Variants in CACNA2D3 observed in about 807,000 individuals in gnomAD.
The protein encoded by CACNA2D3 is voltage-dependent calcium channel subunit alpha-2/delta-3.
A neutral mutation model predicts 160.6 loss-of-function variants in CACNA2D3; 60 were observed. That is an observed-to-expected ratio of 0.37 (90% CI 0.30 to 0.46). The LOEUF (loss-of-function observed/expected upper bound fraction) is 0.46, where lower values mean the gene tolerates loss of function less well. Ranked by LOEUF, CACNA2D3 falls within the 20% of genes least tolerant of loss-of-function variation. The pLI is 1.00. For missense variants in CACNA2D3, 1,205 were observed against 1,365.0 expected, an observed-to-expected ratio of 0.88 and a Z score of 1.85; for synonymous variants, 558 against 492.9, an observed-to-expected ratio of 1.13 and a Z score of -1.75.
intron 2 of CACNA2D3, among the ~76,000 whole-genome samples, chr3:54,238,313 G>A (rs1701919281): frequency 6.6e-6 from 1 of 152,168 alleles, no homozygotes; most frequent in South Asian, 2.1e-4. Flanking sequence ...TTAGTGAGTT[G>A]TCAATCACCT....
At chr3:54,719,353 T>C (rs887765822) in intron 11 of CACNA2D3, among the ~76,000 whole-genome samples, 3 of 151,978 alleles carry the variant, frequency 2.0e-5, no homozygotes, top group Non-Finnish European at 4.4e-5. Flanking sequence ...CTGTTCCTAG[T>C]GTGGTAAAAA....
intron 17 of CACNA2D3, among the ~76,000 whole-genome samples, chr3:54,859,250 A>T (rs1376280611): frequency 6.6e-6 from 1 of 152,226 alleles, no homozygotes; most frequent in Non-Finnish European, 1.5e-5. Context: ...TGTTGAGACC[A>T]TGGGCTCTTT....
At chr3:54,961,743 T>A (rs921153725) in intron 27 of CACNA2D3, among the ~76,000 whole-genome samples, 7 of 152,296 alleles carry the variant, frequency 4.6e-5, no homozygotes, top group African/African-American at 1.7e-4. Flanking sequence ...TCTAACCTTG[T>A]CCTGAGTATG....
chr3:54,543,866 C>A, intron 5 of CACNA2D3, among the ~76,000 whole-genome samples: 1 of 152,134 alleles, frequency 6.6e-6, no homozygotes, highest in Non-Finnish European at 1.5e-5. Context: ...TATATATTTC[C>A]ATGTTGTTTT....
At chr3:54,337,191 G>A (rs1444780630) in intron 3 of CACNA2D3, among the ~76,000 whole-genome samples, 1 of 152,240 alleles carries the variant, frequency 6.6e-6, no homozygotes, top group Non-Finnish European at 1.5e-5. Context: ...TGCAAAGGTG[G>A]AAAGATAACA....
chr3:54,524,764 T>A (rs1314371923), intron 5 of CACNA2D3, among the ~76,000 whole-genome samples: 1 of 152,142 alleles, frequency 6.6e-6, no homozygotes, highest in Admixed American at 6.5e-5. Flanking sequence ...GTAACTTTTT[T>A]TGTTTTAAAA....
rs78135279 is a variant in CACNA2D3 at position 54,892,907 on chromosome 3, C to T, written c.2246+1457C>T. 1.0e-2 allele frequency among the ~76,000 whole-genome samples: 1,519 copies of T among 152,294 alleles called. 36 individuals are homozygous for T. The highest frequency in any genetic ancestry group is 0.034 in the African/African-American group (1,396 of 41,552). On this transcript the variant is annotated intron_variant, in intron 25 of 37. Coordinates refer to ENST00000474759, the MANE Select transcript of CACNA2D3 (RefSeq NM_018398.3). ...GCTGGGAGGTGTACCTGGCTTATCT[C>T]ACTTGGGTATCTTCATTCTGTCCTC...
At chr3:54,847,353 CA>C (rs1317579708) in intron 17 of CACNA2D3, among the ~76,000 whole-genome samples, 1 of 90,576 alleles carries the variant, frequency 1.1e-5, no homozygotes, top group Non-Finnish European at 2.4e-5. Context: ...TAGCAATCAA[CA>C]AACACACACG....
chr3:54,298,184 T>G (rs1703383015), intron 2 of CACNA2D3, among the ~76,000 whole-genome samples: 1 of 151,856 alleles, frequency 6.6e-6, no homozygotes, highest in African/African-American at 2.4e-5. Flanking sequence ...TGAGTGGGAG[T>G]TGGCTAGGAA....
intron 2 of CACNA2D3, among the ~76,000 whole-genome samples, chr3:54,136,897 A>G (rs1699824056): frequency 1.3e-5 from 2 of 152,204 alleles, no homozygotes; most frequent in Admixed American, 1.3e-4. Flanking sequence ...TGGTCCGTGG[A>G]CCACGCTTTG....
intron 14 of CACNA2D3, among the ~76,000 whole-genome samples, chr3:54,825,276 G>C (rs1450217805): frequency 6.6e-6 from 1 of 152,178 alleles, no homozygotes; most frequent in Admixed American, 6.5e-5. Flanking sequence ...CTACACAGAA[G>C]GGAAGGTAGA....
chr3:54,830,512 G>T (rs1050150217), intron 14 of CACNA2D3, among the ~76,000 whole-genome samples: 1 of 149,330 alleles, frequency 6.7e-6, no homozygotes, highest in South Asian at 2.1e-4. Flanking sequence ...ACAATGGCAC[G>T]ATATCGGTTT....
At chr3:54,484,600 C>T (rs552308494) in intron 4 of CACNA2D3, among the ~76,000 whole-genome samples, 106 of 152,114 alleles carry the variant, frequency 7.0e-4, no homozygotes, top group Middle Eastern at 3.4e-3. Context: ...TGGACCACTG[C>T]GATATTAAGT....
intron 2 of CACNA2D3, among the ~76,000 whole-genome samples, chr3:54,283,066 A>G (rs572741744): frequency 2.2e-4 from 33 of 152,322 alleles, no homozygotes; most frequent in African/African-American, 7.9e-4. Flanking sequence ...CTTTAAAAAC[A>G]AAGAAGGAGA....
intron 4 of CACNA2D3, among the ~76,000 whole-genome samples, chr3:54,389,052 C>A (rs1699236410): frequency 6.6e-6 from 1 of 152,090 alleles, no homozygotes; most frequent in Non-Finnish European, 1.5e-5. Context: ...CACCTGTAGT[C>A]CCAGCACGTT....
chr3:54,724,298 GACTCCC>G lies in CACNA2D3; in HGVS notation c.1168-28298_1168-28293del, dbSNP rs1227859488. On this transcript the variant is annotated intron_variant, in intron 11 of 37. Coordinates refer to ENST00000474759, the MANE Select transcript of CACNA2D3 (RefSeq NM_018398.3). ...TCTTAGAGACCTACAAAGAGACTTA[GACTCCC>G]ACACAATAATAGTGGGAGACTTTAA... Among the ~76,000 whole-genome samples, 4 of 152,240 alleles carry G rather than the reference GACTCCC, an allele frequency of 2.6e-5. No homozygotes were observed. In the South Asian group the frequency reaches 8.3e-4, roughly 32 times the overall value.
intron 5 of CACNA2D3, among the ~76,000 whole-genome samples, chr3:54,545,044 T>C (rs1035730901): frequency 6.6e-6 from 1 of 152,244 alleles, no homozygotes; most frequent in Admixed American, 6.5e-5. Context: ...TTAGGACTCT[T>C]AAATGTTACC....
At chr3:55,011,155 A>G (rs1424984116) in intron 34 of CACNA2D3, among the ~76,000 whole-genome samples, 1 of 152,244 alleles carries the variant, frequency 6.6e-6, no homozygotes. Flanking sequence ...TGATGCCCGC[A>G]TAGTTTGCTC....
intron 3 of CACNA2D3, among the ~76,000 whole-genome samples, chr3:54,337,713 C>T (rs543497175): frequency 6.6e-5 from 10 of 152,270 alleles, no homozygotes; most frequent in Middle Eastern, 3.4e-3. Context: ...TCCTCCTCCC[C>T]GTTAATAAGC....
Sources: allele counts gnomAD v4.1 joint callset (sites outside exome capture counted in the v4.1 genomes callset), GRCh38; gene constraint gnomAD v4.1.1; transcripts MANE v1.5; gene names NCBI Gene and HGNC (gene_info 2026-07-23, HGNC 2026-07-21).